Variants in PCDHA8 observed in about 807,000 individuals in gnomAD.
PCDHA8 encodes protocadherin alpha-8.
Under a neutral mutation model 61.8 loss-of-function variants are expected in PCDHA8, and 53 were observed. The observed-to-expected ratio is 0.86, with a 90% confidence interval of 0.69 to 1.08. PCDHA8 has a LOEUF of 1.08. Among genes scored for constraint, PCDHA8 ranks in the 50% least tolerant of loss-of-function variants. The pLI, the probability that PCDHA8 is intolerant of heterozygous loss-of-function variation, is 0.00. For synonymous variants in PCDHA8, 618 were observed against 556.6 expected, an observed-to-expected ratio of 1.11 and a Z score of -1.55; for missense variants, 1,293 against 1,245.0, an observed-to-expected ratio of 1.04 and a Z score of -0.58.
chr5:140,917,130 C>T (rs1449410463), intron 1 of PCDHA8, among the ~76,000 whole-genome samples: 1 of 152,060 alleles, frequency 6.6e-6, no homozygotes, highest in Non-Finnish European at 1.5e-5. Flanking sequence ...AGACTCCCCA[C>T]GTTGCTCAGC....
At chr5:140,929,590 G>T in intron 1 of PCDHA8, 1 of 426,240 alleles carries the variant, frequency 2.3e-6, no homozygotes, top group Non-Finnish European at 4.2e-6. Context: ...TGACATAAAG[G>T]TCTAAAATTA....
chr5:140,869,739 A>G lies in PCDHA8; in HGVS notation c.2394+26024A>G, dbSNP rs541641507. 5 of 1,613,386 alleles carry G rather than the reference A, an allele frequency of 3.1e-6. No individual in the cohort carries two copies. In the South Asian group the frequency reaches 5.5e-5, roughly 18 times the overall value. Reference sequence around the variant, plus strand: ...AAACTCCGGAACTTAATTTGCTGCTAACAGCTACAGACGGGGGAAAACCAG... The same window carrying G: ...AAACTCCGGAACTTAATTTGCTGCTGACAGCTACAGACGGGGGAAAACCAG... On this transcript the variant is annotated intron_variant, in intron 1 of 3. Transcript: ENST00000531613.
chr5:140,886,961 C>T (rs1340952035), intron 1 of PCDHA8, among the ~76,000 whole-genome samples: 1 of 151,926 alleles, frequency 6.6e-6, no homozygotes, highest in South Asian at 2.1e-4. Context: ...CATTTAGCAA[C>T]GAAATTTATT....
At position 140,882,346 on chromosome 5, in the gene PCDHA8, G is replaced by C. The variant is rs146510190; in HGVS notation, c.2394+38631G>C. 1,878 of 1,614,194 alleles carry C rather than the reference G, an allele frequency of 1.2e-3. 37 individuals are homozygous for C. In the South Asian group the frequency reaches 0.019, roughly 17 times the overall value. On this transcript the variant is annotated intron_variant, in intron 1 of 3. Transcript: ENST00000531613. ...TTCTGATCCTCGCAGCCTGGGAGAC[G>C]GGTAGTGGCCAGCTCCACTACTCCG...
At chr5:140,856,925 T>G in intron 1 of PCDHA8, 1 of 1,595,180 alleles carries the variant, frequency 6.3e-7, no homozygotes, top group Non-Finnish European at 8.6e-7. Flanking sequence ...AAGGAAATTT[T>G]GGATAAACGA....
intron 1 of PCDHA8, among the ~76,000 whole-genome samples, chr5:140,878,370 T>C (rs1049956194): frequency 6.6e-6 from 1 of 152,272 alleles, no homozygotes; most frequent in African/African-American, 2.4e-5. Context: ...GTCTGACATA[T>C]GATGAATGAT....
chr5:140,842,466 A>C lies in PCDHA8; in HGVS notation c.1145A>C (p.Asn382Thr). ...ISVNDLDSGA[N>T]GQVTCSLMPH... is the part of the protein sequence containing the mutation. ...GTGAACGACCTCGATTCAGGTGCCA[A>C]CGGGCAGGTGACCTGCTCCCTGATG... Residue 382 changes from asparagine (N) to threonine (T), a missense_variant, in exon 1 of 4, where the codon AAC becomes ACC. Asn to Thr is a moderately conservative substitution (Grantham distance 65, BLOSUM62 0). Transcript: ENST00000531613. 6.2e-7 allele frequency: 1 copy of C among 1,613,912 alleles called. No individual in the cohort carries two copies. Among genetic ancestry groups the C allele is most frequent in the Non-Finnish European group, 8.5e-7 (1 of 1,179,846 alleles).
chr5:140,884,872 T>C (rs1427684688), intron 1 of PCDHA8, among the ~76,000 whole-genome samples: 1 of 152,216 alleles, frequency 6.6e-6, no homozygotes, highest in African/African-American at 2.4e-5. Context: ...CATAATGAAA[T>C]GTGCAAAACA....
intron 3 of PCDHA8, among the ~76,000 whole-genome samples, chr5:141,000,391 C>CTATATA (rs2097912428): frequency 7.1e-5 from 4 of 56,662 alleles, no homozygotes; most frequent in Non-Finnish European, 1.2e-4. Flanking sequence ...CTCTCTCTCT[C>CTATATA]TCTCTATATA....
chr5:140,964,596 G>A (rs1368654948), intron 1 of PCDHA8, among the ~76,000 whole-genome samples: 2 of 152,104 alleles, frequency 1.3e-5, no homozygotes, highest in African/African-American at 4.8e-5. Flanking sequence ...CACTTTTCAT[G>A]ACAACTTACA....
chr5:140,975,591 G>A (rs1421434713), intron 1 of PCDHA8, among the ~76,000 whole-genome samples: 1 of 152,198 alleles, frequency 6.6e-6, no homozygotes, highest in African/African-American at 2.4e-5. Flanking sequence ...GTCCCAGAGG[G>A]CAATTTGTTG....
intron 1 of PCDHA8, among the ~76,000 whole-genome samples, chr5:140,920,056 C>T (rs2079426580): frequency 6.6e-6 from 1 of 152,144 alleles, no homozygotes; most frequent in African/African-American, 2.4e-5. Flanking sequence ...GCCACCAACA[C>T]CTGGAAAAGG....
chr5:140,999,747 C>T (rs2097874058), intron 3 of PCDHA8, among the ~76,000 whole-genome samples: 1 of 152,008 alleles, frequency 6.6e-6, no homozygotes, highest in East Asian at 1.9e-4. Flanking sequence ...AATCTGGGTT[C>T]GCAGCACATG....
chr5:140,967,043 G>T (rs1477679213), intron 1 of PCDHA8: 2 of 1,611,990 alleles, frequency 1.2e-6, no homozygotes, highest in African/African-American at 2.7e-5. Context: ...CCTGGAGCTG[G>T]ACCTGACGAG....
chr5:140,937,933 A>C (rs1452935525), intron 1 of PCDHA8, among the ~76,000 whole-genome samples: 1 of 151,854 alleles, frequency 6.6e-6, no homozygotes, highest in Non-Finnish European at 1.5e-5. Flanking sequence ...AAAAAGTTTA[A>C]TTTGATAATT....
intron 1 of PCDHA8, among the ~76,000 whole-genome samples, chr5:140,945,463 A>G (rs1554216960): frequency 6.6e-6 from 1 of 152,166 alleles, no homozygotes; most frequent in African/African-American, 2.4e-5. Flanking sequence ...TAAAATTTGC[A>G]TGGAACCACA....
intron 1 of PCDHA8, among the ~76,000 whole-genome samples, chr5:140,889,132 G>C (rs1338926841): frequency 6.6e-6 from 1 of 151,438 alleles, no homozygotes; most frequent in Non-Finnish European, 1.5e-5. Context: ...ATATGTCCTA[G>C]TTTTTCTTCC....
chr5:140,883,668 A>G (rs782191858), intron 1 of PCDHA8: 16 of 1,613,456 alleles, frequency 9.9e-6, no homozygotes, highest in Non-Finnish European at 1.4e-5. Flanking sequence ...GTGAAGGAAA[A>G]CAATCCGCCG....
chr5:140,977,335 A>T (rs1341928835), intron 1 of PCDHA8, among the ~76,000 whole-genome samples: 19 of 152,322 alleles, frequency 1.2e-4, no homozygotes, highest in Admixed American at 1.1e-3. Context: ...GAGGGGAGAG[A>T]CGGTGATGAT....
Sources: allele counts gnomAD v4.1 joint callset (sites outside exome capture counted in the v4.1 genomes callset), GRCh38; gene constraint gnomAD v4.1.1; transcripts MANE v1.5; gene names NCBI Gene and HGNC (gene_info 2026-07-23, HGNC 2026-07-21).